SLC39A3: variants seen among roughly 807,000 people sequenced by gnomAD.
The protein encoded by SLC39A3 is zinc transporter ZIP3.
SLC39A3 carries 3 observed loss-of-function variants against 5.1 expected under a neutral mutation model. That is an observed-to-expected ratio of 0.59 (90% CI 0.27 to 1.54). The LOEUF is 1.54. Among genes scored for constraint, SLC39A3 ranks in the 40% most tolerant of loss-of-function variants. The pLI, the probability that SLC39A3 is intolerant of heterozygous loss-of-function variation, is 0.12. For synonymous variants in SLC39A3, 250 were observed against 218.8 expected (o/e 1.14, Z -1.26); for missense variants, 412 against 436.4 (o/e 0.94, Z 0.50).
In SLC39A3 at chr19:2,737,598, G is replaced by A. The variant is rs1914414359; in HGVS notation, c.-122-219C>T. ...TTTTTTTTGTATTTGTAGTAGAGAC[G>A]AGGTTTCATCATGTTGGCCAGGCTG... is the stretch of plus-strand genomic sequence containing the variant. On this transcript the variant is annotated intron_variant, in intron 1 of 2. Coordinates refer to ENST00000269740, the MANE Select transcript of SLC39A3 (RefSeq NM_144564.5). 4 of 261,770 alleles carry A rather than the reference G, an allele frequency of 1.5e-5. No homozygotes were observed. In the South Asian group the frequency reaches 1.7e-4, roughly 11 times the overall value. The allele number at this position is 261,770 out of a possible 1,614,324, so 16.2% of individuals were successfully genotyped here.
intron 1 of SLC39A3, chr19:2,739,585 C>G (rs886701434): frequency 1.3e-5 from 2 of 152,230 alleles, no homozygotes; most frequent in African/African-American, 4.8e-5. Context: ...TCCCCCCCGG[C>G]GGTGAGCTGG....
rs540871016 is a variant in SLC39A3 at position 2,739,686 on chromosome 19, C to T, written c.-123+259G>A. Among the ~76,000 whole-genome samples the T allele has an allele frequency of 2.6e-5, 4 of 152,280 alleles. No homozygotes were observed. In the South Asian group the frequency reaches 8.3e-4, roughly 32 times the overall value. ...AGTAGGCGCCCAATAAAGACCTGTC[C>T]GGCATCTGGATACCTCAGTCTGTAC... On this transcript the variant is annotated intron_variant, in intron 1 of 2. Transcript: ENST00000269740.
chr19:2,737,460 G>A, intron 1 of SLC39A3, 81 bp from the exon 2 acceptor site: 1 of 1,001,468 alleles, frequency 1.0e-6, no homozygotes, highest in Admixed American at 3.1e-5. Context: ...TCTGTTGCCA[G>A]GCTGGAGTGC....
At position 2,737,067 on chromosome 19, in the gene SLC39A3, A is replaced by G; in HGVS notation, c.191T>C (p.Leu64Pro). ...VFLATCFNALLPAVREKLQKV... is the reference protein window; with the variant it reads ...VFLATCFNALPPAVREKLQKV... ...CCTTACCTTTTCCCTCACAGCGGGC[A>G]GCAGAGCGTTGAAGCACGTGGCCAG... Residue 64 changes from leucine (L) to proline (P), a missense_variant, in exon 2 of 3, where the codon CTG (leucine) becomes CCG (proline). Transcript: ENST00000269740. 1 of 1,614,190 alleles carries G rather than the reference A, an allele frequency of 6.2e-7. No homozygotes were observed. The highest frequency in any genetic ancestry group is 1.7e-5 in the Admixed American group (1 of 60,024).
At chr19:2,739,674 T>G (rs1256854842) in intron 1 of SLC39A3, among the ~76,000 whole-genome samples, 1 of 152,010 alleles carries the variant, frequency 6.6e-6, no homozygotes, top group Non-Finnish European at 1.5e-5. Context: ...AGGCGCCCAA[T>G]AAAGACCTGT....
At position 2,733,035 on chromosome 19, in the gene SLC39A3, G is replaced by A. The variant is rs753907946; in HGVS notation, c.661C>T (p.Arg221Trp). The change falls in exon 3 of 3, where the codon CGG becomes TGG. Residue 221 changes from arginine (R) to tryptophan (W), a missense_variant. Physicochemically the swap from Arg to Trp is moderately radical, Grantham distance 101. Transcript: ENST00000269740. This position sits in a 1 kb window ranked among gnomAD's most constrained non-coding sequence, Gnocchi z 6.1. ...GCGTCCCGCAGGGGCATGGCACTCC[G>A]GGCCATGCTGATGCCCAGGGCCACG... ...VAVALGISMA[R>W]SAMPLRDAAK... The A allele has an allele frequency of 8.1e-6, 13 of 1,608,656 alleles. No individual in the cohort carries two copies. The highest frequency in any genetic ancestry group is 4.5e-5 in the East Asian group (2 of 44,684).
Position 2,737,109 on chromosome 19 carries a change from A to C in SLC39A3, c.149T>G (p.Phe50Cys), listed in dbSNP as rs1215988854. Reference protein sequence around the residue: ...SKKILSLCNTFGGGVFLATCF... With the variant: ...SKKILSLCNTCGGGVFLATCF... ...CGTGGCCAGAAACACCCCTCCTCCAAAGGTGTTGCAGAGAGAGAGGATCTT... is the reference window on the plus strand; with the variant it reads ...CGTGGCCAGAAACACCCCTCCTCCACAGGTGTTGCAGAGAGAGAGGATCTT... The change falls in exon 2 of 3, where the codon TTT becomes TGT. Residue 50 changes from phenylalanine (F) to cysteine (C), a missense_variant. Coordinates refer to ENST00000269740, the MANE Select transcript of SLC39A3 (RefSeq NM_144564.5). The C allele has an allele frequency of 6.2e-7, 1 of 1,614,052 alleles. No individual in the cohort carries two copies. Among genetic ancestry groups the C allele is most frequent in the South Asian group, 1.1e-5 (1 of 91,072 alleles).
Position 2,737,244 on chromosome 19 carries a change from A to G in SLC39A3, c.14T>C (p.Leu5Pro). The change falls in exon 2 of 3, where the codon CTA becomes CCA. Residue 5 changes from leucine (L) to proline (P), a missense_variant. Physicochemically the swap from Leu to Pro is moderately conservative, Grantham distance 98. Transcript: ENST00000269740. The part of the protein sequence containing the change: MVKL[L>P]VAKILCMVGV... The stretch of plus-strand genomic sequence containing the variant: ...CACCATGCACAGGATTTTGGCCACT[A>G]GCAATTTCACCATGGTGGCGGCTTG... 1 of 1,613,436 alleles carries G rather than the reference A, an allele frequency of 6.2e-7. No individual in the cohort carries two copies. Among genetic ancestry groups the G allele is most frequent in the Non-Finnish European group, 8.5e-7 (1 of 1,179,586 alleles).
At position 2,737,243 on chromosome 19, in the gene SLC39A3, T is replaced by C. The variant is rs748183574; in HGVS notation, c.15A>G (p.Leu5=). The C allele has an allele frequency of 2.7e-5, 43 of 1,613,264 alleles. 1 individual carries two copies. In the Admixed American group the frequency reaches 7.0e-4, roughly 26 times the overall value. Residue 5 remains leucine (L), a synonymous_variant, in exon 2 of 3, where the codon CTA becomes CTG. Coordinates refer to ENST00000269740, the MANE Select transcript of SLC39A3 (RefSeq NM_144564.5). MVKL[L]VAKILCMVGV... ...CCACCATGCACAGGATTTTGGCCAC[T>C]AGCAATTTCACCATGGTGGCGGCTT...
chr19:2,738,346 T>C (rs1914442641), intron 1 of SLC39A3, among the ~76,000 whole-genome samples: 3 of 152,118 alleles, frequency 2.0e-5, no homozygotes. Context: ...CTCTCATCAC[T>C]GCAGAACATG....
Position 2,732,942 on chromosome 19 carries a change from TCTC to T in SLC39A3, c.751_753del (p.Glu251del). ...ACGCTGCCCGGCACGCCCTGGGCGCTCTCAATGCCCAGGCCCAGGCCGATGCCC... is the reference window on the plus strand; with the variant it reads ...ACGCTGCCCGGCACGCCCTGGGCGCTAATGCCCAGGCCCAGGCCGATGCCC... On this transcript the variant is annotated inframe_deletion, in exon 3 of 3. Coordinates refer to ENST00000269740, the MANE Select transcript of SLC39A3 (RefSeq NM_144564.5). The T allele has an allele frequency of 5.0e-6, 8 of 1,607,982 alleles. No individual in the cohort carries two copies. The highest frequency in any genetic ancestry group is 5.9e-6 in the Non-Finnish European group (7 of 1,177,462).
Position 2,733,729 on chromosome 19 carries a change from C to T in SLC39A3, c.211-244G>A, listed in dbSNP as rs1416785274. Among the ~76,000 whole-genome samples the T allele has an allele frequency of 1.3e-5, 2 of 152,134 alleles. No homozygotes were observed. Among genetic ancestry groups the T allele is most frequent in the Non-Finnish European group, 2.9e-5 (2 of 68,002 alleles). Reference sequence around the variant, plus strand: ...GACTGAGGCTGGCGGATTGCTTGAGCCCAGGAGTTCGAGACCAGCCTGGCC... The same window carrying T: ...GACTGAGGCTGGCGGATTGCTTGAGTCCAGGAGTTCGAGACCAGCCTGGCC... On this transcript the variant is annotated intron_variant, in intron 2 of 2. Coordinates refer to ENST00000269740, the MANE Select transcript of SLC39A3 (RefSeq NM_144564.5). The surrounding 1 kb of genome is among the most constrained non-coding windows in gnomAD (Gnocchi z 6.1).
chr19:2,734,813 G>A lies in SLC39A3; in HGVS notation c.211-1328C>T, dbSNP rs192497477. 1,091 of 985,484 alleles carry A rather than the reference G, an allele frequency of 1.1e-3. 11 individuals are homozygous for A. The African/African-American group carries it at 0.017, about 16-fold the overall frequency. 61.0% of individuals were successfully genotyped at this position (985,484 alleles called of 1,614,324 possible). ...CCACTTAACTCCCTCACTGACCACC[G>A]GCTGGAGGCCTCATGCATGCCTCGC... On this transcript the variant is annotated intron_variant, in intron 2 of 2. Transcript: ENST00000269740. The surrounding 1 kb of genome is among the most constrained non-coding windows in gnomAD (Gnocchi z 4.6).
Position 2,733,426 on chromosome 19 carries a change from G to A in SLC39A3, c.270C>T (p.Ile90=), listed in dbSNP as rs758599049. ...ISTDYPLAET[I]LLLGFFMTVF... ...CGGTCATGAAGAAGCCCAGCAGGAG[G>A]ATGGTTTCGGCCAGCGGGTAGTCGG... Residue 90 remains isoleucine, a synonymous_variant, in exon 3 of 3, where the codon ATC becomes ATT. Transcript: ENST00000269740. This position sits in a 1 kb window ranked among gnomAD's most constrained non-coding sequence, Gnocchi z 6.1. 2 of 1,612,998 alleles carry A rather than the reference G, an allele frequency of 1.2e-6. No individual in the cohort carries two copies. Among genetic ancestry groups the A allele is most frequent in the Non-Finnish European group, 8.5e-7 (1 of 1,180,012 alleles).
Position 2,736,121 on chromosome 19 carries a change from G to A in SLC39A3, c.210+927C>T, listed in dbSNP as rs1330273778. The A allele has an allele frequency of 3.0e-6, 3 of 985,404 alleles. No homozygotes were observed. The African/African-American group carries it at 5.2e-5, about 17-fold the overall frequency. The allele number at this position is 985,404 out of a possible 1,614,324, so 61.0% of individuals were successfully genotyped here. A position where few individuals can be genotyped will look rare whatever the true frequency, so the allele number is the denominator to read the frequency against. The stretch of plus-strand genomic sequence containing the variant: ...GGCCTGACAGGGGACCCACACTCTG[G>A]GCTGCTGATATGGGGGAGCTCAAGG... On this transcript the variant is annotated intron_variant, in intron 2 of 2. Coordinates refer to ENST00000269740, the MANE Select transcript of SLC39A3 (RefSeq NM_144564.5).
rs1304868882 is a variant in SLC39A3 at position 2,733,393 on chromosome 19, C to T, written c.303G>A (p.Leu101=). Reference sequence around the variant, plus strand: ...TGCGGAAGGTCAGGATCAGCTGCTCCAGGAAGACGGTCATGAAGAAGCCCA... The same window carrying T: ...TGCGGAAGGTCAGGATCAGCTGCTCTAGGAAGACGGTCATGAAGAAGCCCA... The part of the protein sequence containing the change: ...LLLGFFMTVF[L]EQLILTFRKE... Residue 101 remains leucine, a synonymous_variant, in exon 3 of 3, where the codon CTG becomes CTA. Coordinates refer to ENST00000269740, the MANE Select transcript of SLC39A3 (RefSeq NM_144564.5). The surrounding 1 kb of genome is among the most constrained non-coding windows in gnomAD (Gnocchi z 6.1). 1 of 1,613,090 alleles carries T rather than the reference C, an allele frequency of 6.2e-7. No individual in the cohort carries two copies. Among genetic ancestry groups the T allele is most frequent in the East Asian group, 2.2e-5 (1 of 44,884 alleles).
chr19:2,737,469 G>T, intron 1 of SLC39A3, 90 bp from the exon 2 acceptor site: 1 of 854,876 alleles, frequency 1.2e-6, no homozygotes, highest in Non-Finnish European at 1.7e-6. Context: ...AGGCTGGAGT[G>T]CAATGGTGCA....
Position 2,735,790 on chromosome 19 carries a change from G to T in SLC39A3, c.210+1258C>A. ...AGAGCATGGGGCGTGCGGAGCAGGG[G>T]CTGGAAGCTCAGGGAGCCACCCTGG... On this transcript the variant is annotated intron_variant, in intron 2 of 2. Coordinates refer to ENST00000269740, the MANE Select transcript of SLC39A3 (RefSeq NM_144564.5). This position sits in a 1 kb window ranked among gnomAD's most constrained non-coding sequence, Gnocchi z 5.7. The T allele has an allele frequency of 4.1e-6, 4 of 972,558 alleles. No homozygotes were observed. Among genetic ancestry groups the T allele is most frequent in the Non-Finnish European group, 4.9e-6 (4 of 818,260 alleles). The allele number at this position is 972,558 out of a possible 1,614,324, so 60.2% of individuals were successfully genotyped here. A position where few individuals can be genotyped will look rare whatever the true frequency, so the allele number is the denominator to read the frequency against.
In SLC39A3 at chr19:2,734,224, C is replaced by T. The variant is rs557340707; in HGVS notation, c.211-739G>A. 2.8e-4 allele frequency among the ~76,000 whole-genome samples: 42 copies of T among 152,356 alleles called. No homozygotes were observed. The highest frequency in any genetic ancestry group is 9.9e-4 in the African/African-American group (41 of 41,586). ...TGTCTCATGAAAGGCAGGCTGTAAA[C>T]GCCCACAACAGCTCCCTGGAGCCTC... On this transcript the variant is annotated intron_variant, in intron 2 of 2. Transcript: ENST00000269740. The surrounding 1 kb of genome is among the most constrained non-coding windows in gnomAD (Gnocchi z 4.6).
Sources: gnomAD v4.1 joint callset for allele counts (sites outside exome capture counted in the v4.1 genomes callset) on GRCh38, gnomAD v4.1.1 for gene constraint, Gnocchi (gnomAD v3.1) non-coding constraint, MANE v1.5 for transcripts, NCBI Gene and HGNC (gene_info 2026-07-23, HGNC 2026-07-21) for gene names.